The following AK2 variants were observed in gnomAD, a reference collection of about 807,000 sequenced individuals.
The protein encoded by AK2 is adenylate kinase 2, mitochondrial.
Under a neutral mutation model 24.6 loss-of-function variants are expected in AK2, and 15 were observed. The observed-to-expected ratio is 0.61, with a 90% CI of 0.41 to 0.94. The LOEUF (loss-of-function observed/expected upper bound fraction) is 0.94, where lower values mean the gene tolerates loss of function less well. Among genes scored for constraint, AK2 ranks in the 40% least tolerant of loss-of-function variants. The pLI is 0.00. For synonymous variants in AK2, 102 were observed against 114.0 expected (o/e 0.90, Z 0.67); for missense variants, 257 against 304.1 (o/e 0.85, Z 1.15).
intron 4 of AK2, among the ~76,000 whole-genome samples, chr1:33,017,519 A>T (rs1242319570): frequency 2.0e-5 from 3 of 152,226 alleles, no homozygotes; most frequent in Non-Finnish European, 4.4e-5. Context: ...CATAGCAGCC[A>T]GGCTGCAACA....
Position 33,008,914 on chromosome 1 carries a change from C to T in AK2, c.*4267G>A, listed in dbSNP as rs939652701. The T allele has an allele frequency of 4.0e-5, 18 of 454,012 alleles. No homozygotes were observed. The East Asian group carries it at 4.9e-4, about 12-fold the overall frequency. The allele number at this position is 454,012 out of a possible 1,614,324, so 28.1% of individuals were successfully genotyped here. A position where few individuals can be genotyped will look rare whatever the true frequency, so the allele number is the denominator to read the frequency against. ...CTTCTCTGTTTATTCTTCTCAACTA[C>T]ACCATGCTGCTTTGCAGGTTGGTTT... On this transcript the variant is annotated 3_prime_UTR_variant, in exon 6 of 6. Coordinates refer to ENST00000672715, the MANE Select transcript of AK2 (RefSeq NM_001625.4).
chr1:33,010,158 T>A lies in AK2; in HGVS notation c.*3023A>T, dbSNP rs780064885. On this transcript the variant is annotated 3_prime_UTR_variant, in exon 6 of 6. Coordinates refer to ENST00000672715, the MANE Select transcript of AK2 (RefSeq NM_001625.4). Reference sequence around the variant, plus strand: ...AAGGCAAGAGCATAGGATTGTGGCATGTGCTGGGTAGCTGTGAGAGGTTAC... The same window carrying A: ...AAGGCAAGAGCATAGGATTGTGGCAAGTGCTGGGTAGCTGTGAGAGGTTAC... 1 of 454,282 alleles carries A rather than the reference T, an allele frequency of 2.2e-6. No individual in the cohort carries two copies. Among genetic ancestry groups the A allele is most frequent in the Non-Finnish European group, 4.4e-6 (1 of 226,820 alleles). The allele number at this position is 454,282 out of a possible 1,614,324, so 28.1% of individuals were successfully genotyped here. A position where few individuals can be genotyped will look rare whatever the true frequency, so the allele number is the denominator to read the frequency against.
chr1:33,028,873 C>T (rs936878914), intron 1 of AK2, among the ~76,000 whole-genome samples: 5 of 152,140 alleles, frequency 3.3e-5, no homozygotes, highest in African/African-American at 1.2e-4. Flanking sequence ...GGCTCTCAAG[C>T]AGCACCTCAG....
Position 33,012,436 on chromosome 1 carries a change from T to C in AK2, c.*745A>G, listed in dbSNP as rs185140745. 5.3e-5 allele frequency: 77 copies of C among 1,459,632 alleles called. No homozygotes were observed. Among genetic ancestry groups the C allele is most frequent in the Admixed American group, 4.1e-4 (20 of 48,736 alleles). The allele number at this position is 1,459,632 out of a possible 1,614,324, so 90.4% of individuals were successfully genotyped here. Reference sequence around the variant, plus strand: ...ACAAAATGGAATTCTCTGTCCATAATGTGCCATCAGGAACTGTGACCCTGC... The same window carrying C: ...ACAAAATGGAATTCTCTGTCCATAACGTGCCATCAGGAACTGTGACCCTGC... On this transcript the variant is annotated 3_prime_UTR_variant, in exon 6 of 6. Coordinates refer to ENST00000672715, the MANE Select transcript of AK2 (RefSeq NM_001625.4).
At chr1:33,015,574 T>C (rs1292039563) in intron 4 of AK2, among the ~76,000 whole-genome samples, 1 of 152,238 alleles carries the variant, frequency 6.6e-6, no homozygotes, top group Non-Finnish European at 1.5e-5. Context: ...AGCTCCCTAA[T>C]ATTTTTCACC....
chr1:33,009,478 A>AT lies in AK2; in HGVS notation c.*3702dup. 1 of 454,154 alleles carries AT rather than the reference A, an allele frequency of 2.2e-6. No individual in the cohort carries two copies. Among genetic ancestry groups the AT allele is most frequent in the Non-Finnish European group, 4.4e-6 (1 of 226,796 alleles). 28.1% of individuals were successfully genotyped at this position (454,154 alleles called of 1,614,324 possible). ...AGTTATCCAGCCTGGCAGGAAGCAG[A>AT]TATCTTTCTGTGTATATCTGGATCC... On this transcript the variant is annotated 3_prime_UTR_variant, in exon 6 of 6. Transcript: ENST00000672715.
chr1:33,024,849 A>G (rs1469864440), intron 1 of AK2, among the ~76,000 whole-genome samples: 1 of 152,208 alleles, frequency 6.6e-6, no homozygotes, highest in Non-Finnish European at 1.5e-5. Flanking sequence ...CACTATTTCC[A>G]CTCAACACAC....
chr1:33,011,329 T>A lies in AK2; in HGVS notation c.*1852A>T. On this transcript the variant is annotated 3_prime_UTR_variant, in exon 6 of 6. Transcript: ENST00000672715. ...TTGTTTCACTCCTCTTCCTTGCCCATTCCCAGAAGTCATGTGCTTCCCAGA... is the reference window on the plus strand; with the variant it reads ...TTGTTTCACTCCTCTTCCTTGCCCAATCCCAGAAGTCATGTGCTTCCCAGA... 1 of 1,288,386 alleles carries A rather than the reference T, an allele frequency of 7.8e-7. No individual in the cohort carries two copies. The highest frequency in any genetic ancestry group is 1.2e-5 in the South Asian group (1 of 80,948). 79.8% of individuals were successfully genotyped at this position (1,288,386 alleles called of 1,614,324 possible). A position where few individuals can be genotyped will look rare whatever the true frequency, so the allele number is the denominator to read the frequency against.
rs1331273220 is a variant in AK2 at position 33,014,713 on chromosome 1, C to A, written c.426-119G>T. 6 of 828,852 alleles carry A rather than the reference C, an allele frequency of 7.2e-6. No homozygotes were observed. The East Asian group carries it at 1.7e-4, about 23-fold the overall frequency. The allele number at this position is 828,852 out of a possible 1,614,324, so 51.3% of individuals were successfully genotyped here. A position where few individuals can be genotyped will look rare whatever the true frequency, so the allele number is the denominator to read the frequency against. On this transcript the variant is annotated intron_variant, in intron 4 of 5. Coordinates refer to ENST00000672715, the MANE Select transcript of AK2 (RefSeq NM_001625.4). ...GACGCTGGATGCAAGGACCCAGCAC[C>A]CAGCAGAAAATCCAGCTAAATAACT...
intron 5 of AK2, 56 bp downstream of exon 5, chr1:33,014,466 A>C: frequency 1.5e-6 from 2 of 1,355,090 alleles, no homozygotes; most frequent in Non-Finnish European, 2.1e-6. Context: ...AAAAAGAAAA[A>C]CAGTGAAGAA....
rs1007074670 is a variant in AK2 at position 33,012,675 on chromosome 1, T to C, written c.*506A>G. 17 of 1,258,560 alleles carry C rather than the reference T, an allele frequency of 1.4e-5. No individual in the cohort carries two copies. Among genetic ancestry groups the C allele is most frequent in the Middle Eastern group, 3.3e-4 (1 of 3,056 alleles). 78.0% of individuals were successfully genotyped at this position (1,258,560 alleles called of 1,614,324 possible). On this transcript the variant is annotated 3_prime_UTR_variant, in exon 6 of 6. Coordinates refer to ENST00000672715, the MANE Select transcript of AK2 (RefSeq NM_001625.4). Reference sequence around the variant, plus strand: ...ACTTCAGGAGGCCAAGGTGGGTGGATTGCTTAAGCCTAGGAGTTCAAGACC... The same window carrying C: ...ACTTCAGGAGGCCAAGGTGGGTGGACTGCTTAAGCCTAGGAGTTCAAGACC...
chr1:33,011,963 A>T lies in AK2; in HGVS notation c.*1218T>A, dbSNP rs1638847831. 1.3e-6 allele frequency: 2 copies of T among 1,534,598 alleles called. No homozygotes were observed. Among genetic ancestry groups the T allele is most frequent in the Non-Finnish European group, 1.7e-6 (2 of 1,146,476 alleles). ...TTTCAGTTTTATGTCCTGGAGAGAG[A>T]CTGGGTTTGAATAAATACTGATCAA... On this transcript the variant is annotated 3_prime_UTR_variant, in exon 6 of 6. Coordinates refer to ENST00000672715, the MANE Select transcript of AK2 (RefSeq NM_001625.4).
At chr1:33,031,558 A>C (rs775543286) in intron 1 of AK2, 3 of 455,982 alleles carry the variant, frequency 6.6e-6, no homozygotes, top group South Asian at 4.6e-5. Flanking sequence ...GGCAGTAGAT[A>C]GCAGCAGAAA....
chr1:33,014,885 C>G (rs1276333127), intron 4 of AK2, among the ~76,000 whole-genome samples: 1 of 152,246 alleles, frequency 6.6e-6, no homozygotes, highest in Admixed American at 6.5e-5. Flanking sequence ...TGGTCTCACA[C>G]AGCCATCCAT....
intron 4 of AK2, 35 bp from the exon 5 acceptor site, chr1:33,014,629 C>T: frequency 1.3e-6 from 2 of 1,581,068 alleles, no homozygotes; most frequent in Non-Finnish European, 1.7e-6. Context: ...GTTAGGTTAA[C>T]TGACAGTACG....
intron 1 of AK2, among the ~76,000 whole-genome samples, chr1:33,036,405 C>T (rs1418253835): frequency 2.6e-5 from 4 of 152,206 alleles, no homozygotes; most frequent in African/African-American, 9.7e-5. Flanking sequence ...CTCCATTCAG[C>T]CTGTAATCTA....
At chr1:33,014,034 A>C (rs895403094) in intron 5 of AK2, among the ~76,000 whole-genome samples, 2 of 152,244 alleles carry the variant, frequency 1.3e-5, no homozygotes, top group African/African-American at 2.4e-5. Context: ...GCTTTAAAAC[A>C]AACCATATAG....
In AK2 at chr1:33,013,271, G is replaced by C. The variant is rs746330303; in HGVS notation, c.630C>G (p.Ile210Met). The C allele has an allele frequency of 1.8e-5, 28 of 1,591,238 alleles. No individual in the cohort carries two copies. The East Asian group carries it at 2.7e-4, about 15-fold the overall frequency. ...CGACATCGGGGGTCTGGGATGCATC[G>C]ATGGCGGAGTGGATCCCCCGTTTCC... ...YYRKRGIHSA[I>M]DASQTPDVVF... Residue 210 changes from isoleucine (I) to methionine (M), a missense_variant, in exon 6 of 6, where the codon ATC (isoleucine) becomes ATG (methionine). Physicochemically the swap from Ile to Met is conservative, Grantham distance 10 (BLOSUM62 1). Transcript: ENST00000672715.
chr1:33,027,259 T>C (rs1270749768), intron 1 of AK2, among the ~76,000 whole-genome samples: 1 of 152,164 alleles, frequency 6.6e-6, no homozygotes, highest in Non-Finnish European at 1.5e-5. Flanking sequence ...GCTGTTGAAA[T>C]TAACCTGGGT....
Sources: allele counts gnomAD v4.1 joint callset (sites outside exome capture counted in the v4.1 genomes callset), GRCh38; gene constraint gnomAD v4.1.1; transcripts MANE v1.5; gene names NCBI Gene and HGNC (gene_info 2026-07-23, HGNC 2026-07-21).